The following AFDN variants were observed in gnomAD, a reference collection of about 807,000 sequenced individuals.
AFDN encodes the protein afadin.
AFDN carries 68 observed loss-of-function variants against 216.6 expected under a neutral mutation model. The ratio of observed to expected loss-of-function variants is 0.31; its 90% CI spans 0.26 to 0.38. The LOEUF (loss-of-function observed/expected upper bound fraction) is 0.38. AFDN is among the 10% of genes least tolerant of loss of function. AFDN has a pLI of 1.00. For synonymous variants in AFDN, 868 were observed against 853.7 expected (o/e 1.02, Z -0.29); for missense variants, 2,136 against 2,342.0 (o/e 0.91, Z 1.82).
chr6:167,949,783 A>G (rs1345988006), intron 29 of AFDN, among the ~76,000 whole-genome samples: 1 of 152,174 alleles, frequency 6.6e-6, no homozygotes, highest in Non-Finnish European at 1.5e-5. Flanking sequence ...TATGCACAGT[A>G]TTTCCTGTTG....
intron 23 of AFDN, among the ~76,000 whole-genome samples, chr6:167,934,176 C>T (rs1339845991): frequency 1.3e-5 from 2 of 152,158 alleles, no homozygotes. Context: ...GGACCACCTT[C>T]GTTCCCTTCA....
At chr6:167,881,496 C>G (rs915398813) in intron 6 of AFDN, among the ~76,000 whole-genome samples, 1 of 152,142 alleles carries the variant, frequency 6.6e-6, no homozygotes, top group Admixed American at 6.5e-5. Flanking sequence ...AGAAATCTTG[C>G]TGGGAGGACA....
At chr6:167,944,220 T>G (rs1394140495) in intron 26 of AFDN, among the ~76,000 whole-genome samples, 161 bp downstream of exon 26, 1 of 152,176 alleles carries the variant, frequency 6.6e-6, no homozygotes, top group Non-Finnish European at 1.5e-5. Context: ...GATTCCCATG[T>G]GAACCTTCTG....
chr6:167,958,635 G>A (rs749787235), intron 30 of AFDN, among the ~76,000 whole-genome samples: 13 of 152,206 alleles, frequency 8.5e-5, no homozygotes, highest in African/African-American at 1.9e-4. Context: ...AAAGAGTTCC[G>A]TGGTTCTGCT....
chr6:167,964,027 C>T (rs912939223), intron 31 of AFDN: 4 of 1,064,312 alleles, frequency 3.8e-6, no homozygotes, highest in South Asian at 4.6e-5. Flanking sequence ...TGGGTTGTCA[C>T]GGCAGCACAG....
At chr6:167,860,844 G>A (rs539888116) in intron 1 of AFDN, among the ~76,000 whole-genome samples, 3 of 152,306 alleles carry the variant, frequency 2.0e-5, no homozygotes, top group African/African-American at 7.2e-5. Flanking sequence ...CTAGGTAGGT[G>A]ATGGTCTCAA....
At chr6:167,867,721 G>A (rs1016962747) in intron 2 of AFDN, among the ~76,000 whole-genome samples, 3 of 152,066 alleles carry the variant, frequency 2.0e-5, no homozygotes, top group African/African-American at 4.8e-5. Flanking sequence ...GTGAGCCACC[G>A]CGCCCGGTTA....
At chr6:167,831,247 G>GT (rs1487365908) in intron 1 of AFDN, among the ~76,000 whole-genome samples, 3 of 152,078 alleles carry the variant, frequency 2.0e-5, no homozygotes, top group Non-Finnish European at 2.9e-5. Flanking sequence ...GTCAATAGTT[G>GT]TATTTTTAAA....
At chr6:167,831,483 TCTAA>T (rs1169034679) in intron 1 of AFDN, among the ~76,000 whole-genome samples, 13 of 152,228 alleles carry the variant, frequency 8.5e-5, no homozygotes, top group Non-Finnish European at 1.2e-4. Context: ...ACAGCTCTTA[TCTAA>T]CAGTGTTGAG....
chr6:167,891,591 GT>G (rs1391052956), intron 8 of AFDN, among the ~76,000 whole-genome samples: 1 of 151,668 alleles, frequency 6.6e-6, no homozygotes, highest in Non-Finnish European at 1.5e-5. Flanking sequence ...TCCTCTAAGT[GT>G]TTTTTTTGTA....
chr6:167,826,693 T>C (rs968828413), upstream of AFDN: 2 of 442,044 alleles, frequency 4.5e-6, no homozygotes, highest in African/African-American at 2.0e-5. Flanking sequence ...GTACCGCCGG[T>C]TGGGACCCAC....
chr6:167,962,764 A>G lies in AFDN; in HGVS notation c.4968+197A>G. On this transcript the variant is annotated intron_variant, in intron 31 of 33. Transcript: ENST00000683244. The surrounding 1 kb of genome is among the most constrained non-coding windows in gnomAD (Gnocchi z 5.2). ...CCTACCTCTCTTCTGGACTGTCTCC[A>G]GATCCCCTTATCTGCCAAGTTTTGT... 1.1e-5 allele frequency: 16 copies of G among 1,423,754 alleles called. No individual in the cohort carries two copies. Among genetic ancestry groups the G allele is most frequent in the Non-Finnish European group, 1.5e-5 (16 of 1,091,248 alleles). 88.2% of individuals were successfully genotyped at this position (1,423,754 alleles called of 1,614,324 possible).
intron 23 of AFDN, among the ~76,000 whole-genome samples, chr6:167,942,165 T>C (rs962005703): frequency 6.6e-6 from 1 of 151,464 alleles, no homozygotes; most frequent in African/African-American, 2.4e-5. Flanking sequence ...TTCTGTAAAC[T>C]TAACTTGTTA....
At chr6:167,881,508 C>G (rs1057194892) in intron 6 of AFDN, among the ~76,000 whole-genome samples, 1 of 152,142 alleles carries the variant, frequency 6.6e-6, no homozygotes, top group African/African-American at 2.4e-5. Flanking sequence ...GGGAGGACAT[C>G]AAGACAAAGC....
intron 8 of AFDN, among the ~76,000 whole-genome samples, chr6:167,891,363 A>G (rs1787548484): frequency 6.6e-6 from 1 of 151,066 alleles, no homozygotes; most frequent in African/African-American, 2.4e-5. Context: ...CTCTACCAAC[A>G]ATGACAAATT....
rs766884975 is a variant in AFDN at position 167,880,520 on chromosome 6, A to G, written c.897+3A>G. 6 of 1,612,896 alleles carry G rather than the reference A, an allele frequency of 3.7e-6. No homozygotes were observed. The highest frequency in any genetic ancestry group is 2.2e-5 in the East Asian group (1 of 44,838). On this transcript the variant is annotated splice_donor_region_variant and intron_variant, in intron 6 of 33. Transcript: ENST00000683244. Reference sequence around the variant, plus strand: ...CTAAGGATTACTGCATCGCCCGGGTAAGGAACTTTATCAAATCAGTAGTTC... The same window carrying G: ...CTAAGGATTACTGCATCGCCCGGGTGAGGAACTTTATCAAATCAGTAGTTC...
rs374774871 is a variant in AFDN, at chr6:167,971,080, C to T, written c.*1145C>T. The T allele has an allele frequency of 1.1e-4, 24 of 220,136 alleles. No individual in the cohort carries two copies. Among genetic ancestry groups the T allele is most frequent in the African/African-American group, 3.8e-4 (17 of 44,744 alleles). The allele number at this position is 220,136 out of a possible 1,614,324, so 13.6% of individuals were successfully genotyped here. On this transcript the variant is annotated 3_prime_UTR_variant, in exon 34 of 34. Transcript: ENST00000683244. ...GGATATGTGGCTGATGTTGGGGAGA[C>T]GGACCTCAGTGTGTTTTATATTGTC...
At chr6:167,913,533 C>T in intron 16 of AFDN, 110 bp downstream of exon 16, 1 of 998,370 alleles carries the variant, frequency 1.0e-6, no homozygotes, top group Non-Finnish European at 1.5e-6. Context: ...GCTCATAACA[C>T]TCATTCAGCA....
chr6:167,916,289 T>C (rs1472338703), intron 19 of AFDN, among the ~76,000 whole-genome samples: 1 of 152,218 alleles, frequency 6.6e-6, no homozygotes, highest in African/African-American at 2.4e-5. Flanking sequence ...GATCTTGTTT[T>C]AACTTGATGA....
Sources: allele counts gnomAD v4.1 joint callset (sites outside exome capture counted in the v4.1 genomes callset), GRCh38; gene constraint gnomAD v4.1.1; non-coding constraint Gnocchi (gnomAD v3.1); transcripts MANE v1.5; gene names NCBI Gene and HGNC (gene_info 2026-07-23, HGNC 2026-07-21).